PSG5: variants seen among roughly 807,000 people sequenced by gnomAD.
PSG5 encodes pregnancy specific beta-1-glycoprotein 5, also known as pregnancy-specific beta-1-glycoprotein 5.
Under a neutral mutation model 37.7 loss-of-function variants are expected in PSG5, and 53 were observed. That is an observed-to-expected ratio of 1.41 (90% confidence interval 1.13 to 1.77). PSG5 has a LOEUF of 1.77. Among genes scored for constraint, PSG5 ranks in the 40% most tolerant of loss-of-function variants. The pLI, the probability that PSG5 is intolerant of heterozygous loss-of-function variation, is 0.00. For synonymous variants in PSG5, 221 were observed against 155.4 expected, an observed-to-expected ratio of 1.42 and a Z score of -3.14; for missense variants, 547 against 405.2, an observed-to-expected ratio of 1.35 and a Z score of -3.00.
At chr19:43,176,277 A>C in intron 2 of PSG5, 129 bp from the exon 3 acceptor site, 1 of 1,458,920 alleles carries the variant, frequency 6.9e-7, no homozygotes, top group South Asian at 1.3e-5. Context: ...TAGCTGATGC[A>C]TGTGTCACAA....
chr19:43,171,983 CAAAAAAA>C (rs60198220), intron 4 of PSG5, among the ~76,000 whole-genome samples: 6 of 105,140 alleles, frequency 5.7e-5, no homozygotes, highest in South Asian at 3.1e-4. Context: ...TCCCTCTCTT[CAAAAAAA>C]AAAAAAAAGA....
rs1420239197 is a variant in PSG5, at chr19:43,175,405, G to A, written c.774C>T (p.Tyr258=). 2.5e-6 allele frequency: 4 copies of A among 1,612,792 alleles called. No homozygotes were observed. Among genetic ancestry groups the A allele is most frequent in the Admixed American group, 3.3e-5 (2 of 59,912 alleles). Residue 258 remains tyrosine (Y), a synonymous_variant, in exon 4 of 6, where the codon TAC becomes TAT. Coordinates refer to ENST00000342951, the MANE Select transcript of PSG5 (RefSeq NM_002781.4). ...FTYYRSGENL[Y]LSCFAESNPP... is the part of the protein sequence containing the mutation. ...GGTTAGATTCCGCGAAGCAGGACAA[G>A]TAGAGGTTTTCTCCTGAACGGTAAT... is the stretch of plus-strand genomic sequence containing the variant.
chr19:43,181,883 A>T (rs1463127740), intron 2 of PSG5, among the ~76,000 whole-genome samples: 1 of 151,764 alleles, frequency 6.6e-6, no homozygotes, highest in Non-Finnish European at 1.5e-5. Flanking sequence ...AAGAAGTGAC[A>T]GGAGAATGTG....
At position 43,176,028 on chromosome 19, in the gene PSG5, C is replaced by T. The variant is rs2122216705; in HGVS notation, c.551G>A (p.Gly184Asp). The T allele has an allele frequency of 6.2e-7, 1 of 1,611,024 alleles. No individual in the cohort carries two copies. Among genetic ancestry groups the T allele is most frequent in the East Asian group, 2.2e-5 (1 of 44,864 alleles). Residue 184 changes from glycine (G) to aspartate (D), a missense_variant, in exon 3 of 6, where the codon GGT (glycine) becomes GAT (aspartate). Transcript: ENST00000342951. The part of the protein sequence containing the change: ...ENYTYIWWLN[G>D]QSLPVSPRVK... ...CCTGGGACTGACCGGGAGGCTCTGA[C>T]CATTTAGCCACCAAATGTAGGTGTA...
intron 2 of PSG5, among the ~76,000 whole-genome samples, chr19:43,184,152 T>C (rs1488823316): frequency 6.6e-6 from 1 of 151,700 alleles, no homozygotes; most frequent in African/African-American, 2.4e-5. Context: ...AGTTGGCTGA[T>C]GTCCTACAAA....
chr19:43,185,231 C>G (rs909137721), intron 1 of PSG5, 84 bp from the exon 2 acceptor site: 1 of 1,441,328 alleles, frequency 6.9e-7, no homozygotes. Flanking sequence ...GAGAAGGTCT[C>G]TTCAATCCTC....
intron 1 of PSG5, among the ~76,000 whole-genome samples, chr19:43,185,499 G>C (rs61179876): frequency 0.16 from 23,507 of 147,366 alleles, 2,437 homozygotes; most frequent in East Asian, 0.38. Flanking sequence ...TTCCTGACAC[G>C]TCCTTCAGAG....
intron 2 of PSG5, among the ~76,000 whole-genome samples, chr19:43,181,209 C>G (rs1309488368): frequency 6.6e-6 from 1 of 151,594 alleles, no homozygotes; most frequent in Non-Finnish European, 1.5e-5. Context: ...CCAAAACCAC[C>G]AATATTCACA....
At chr19:43,183,560 G>A (rs1599755476) in intron 2 of PSG5, 6 of 491,632 alleles carry the variant, frequency 1.2e-5, no homozygotes, top group Admixed American at 4.3e-5. Flanking sequence ...TTCAGGTTCA[G>A]TGATGGGGGT....
intron 2 of PSG5, among the ~76,000 whole-genome samples, chr19:43,180,865 G>A (rs1002882338): frequency 6.6e-6 from 1 of 151,518 alleles, no homozygotes; most frequent in African/African-American, 2.4e-5. Context: ...AGGGAGGAAG[G>A]ATGCCAAATT....
At chr19:43,177,308 T>C (rs1298886215) in intron 2 of PSG5, among the ~76,000 whole-genome samples, 2 of 146,536 alleles carry the variant, frequency 1.4e-5, no homozygotes, top group Non-Finnish European at 3.1e-5. Context: ...AGATTGAGTA[T>C]TTCTTATGCA....
chr19:43,177,590 T>A (rs1599749707), intron 2 of PSG5, among the ~76,000 whole-genome samples: 1 of 151,408 alleles, frequency 6.6e-6, no homozygotes, highest in Admixed American at 6.6e-5. Context: ...CACTCATATA[T>A]TTTTGAAGGC....
chr19:43,182,809 C>T (rs1419112622), intron 2 of PSG5, among the ~76,000 whole-genome samples: 15 of 145,076 alleles, frequency 1.0e-4, no homozygotes, highest in African/African-American at 3.7e-4. Context: ...GTCCACAGGT[C>T]AGCCTCACAA....
At chr19:43,185,783 T>C (rs566968184) in intron 1 of PSG5, among the ~76,000 whole-genome samples, 2 of 151,064 alleles carry the variant, frequency 1.3e-5, no homozygotes, top group South Asian at 2.1e-4. Context: ...GGACAGTGTT[T>C]CATGTCCTGC....
chr19:43,177,242 G>T (rs1255782545), intron 2 of PSG5, among the ~76,000 whole-genome samples: 1 of 151,544 alleles, frequency 6.6e-6, no homozygotes, highest in Non-Finnish European at 1.5e-5. Context: ...TTTCAGTTAT[G>T]CAAGGTGGGG....
In PSG5 at chr19:43,185,853, G is replaced by A. The variant is rs1232332297; in HGVS notation, c.64+489C>T. 5.9e-4 allele frequency among the ~76,000 whole-genome samples: 13 copies of A among 21,862 alleles called. 2 individuals carry two copies. The highest frequency in any genetic ancestry group is 1.2e-3 in the African/African-American group (3 of 2,456). 14.3% of individuals were successfully genotyped at this position (21,862 alleles called of 152,430 possible). ...TATTATTATCATTTTTCAAAATGTC[G>A]TGGCCCTCTTACCAATTCCGGTTCA... is the stretch of plus-strand genomic sequence containing the variant. On this transcript the variant is annotated intron_variant, in intron 1 of 5. Coordinates refer to ENST00000342951, the MANE Select transcript of PSG5 (RefSeq NM_002781.4).
At chr19:43,171,735 A>G (rs1475406944) in intron 4 of PSG5, among the ~76,000 whole-genome samples, 2 of 151,518 alleles carry the variant, frequency 1.3e-5, no homozygotes, top group Admixed American at 6.6e-5. Context: ...TTGGGAGGTC[A>G]CAGCAGAAGG....
At chr19:43,182,758 T>C (rs1447347665) in intron 2 of PSG5, among the ~76,000 whole-genome samples, 1 of 139,092 alleles carries the variant, frequency 7.2e-6, no homozygotes, top group African/African-American at 2.8e-5. Flanking sequence ...CTGGCAATTA[T>C]GAATGGATGG....
At chr19:43,181,286 AC>A (rs1969122760) in intron 2 of PSG5, among the ~76,000 whole-genome samples, 1 of 151,636 alleles carries the variant, frequency 6.6e-6, no homozygotes, top group Non-Finnish European at 1.5e-5. Context: ...TATTGCCAAA[AC>A]AAAATATTAA....
Sources: allele counts gnomAD v4.1 joint callset (sites outside exome capture counted in the v4.1 genomes callset), GRCh38; gene constraint gnomAD v4.1.1; transcripts MANE v1.5; gene names NCBI Gene and HGNC (gene_info 2026-07-23, HGNC 2026-07-21).